Variants in ADSL observed in about 807,000 individuals in gnomAD.
ADSL encodes the protein adenylosuccinase.
ADSL carries 44 observed loss-of-function variants against 62.1 expected under a neutral mutation model. The ratio of observed to expected loss-of-function variants is 0.71; its 90% CI spans 0.56 to 0.91. The LOEUF (loss-of-function observed/expected upper bound fraction) is 0.91, where lower values mean the gene tolerates loss of function less well. Among genes scored for constraint, ADSL ranks in the 40% least tolerant of loss-of-function variants. The pLI is 0.00. For missense variants in ADSL, 531 were observed against 627.4 expected (o/e 0.85, Z 1.64); for synonymous variants, 198 against 220.5 (o/e 0.90, Z 0.90).
Position 40,350,036 on chromosome 22 carries a change from G to A in ADSL, c.357+1G>A, listed in dbSNP as rs1275901345. On this transcript the variant is annotated splice_donor_variant, in intron 2 of 12. Transcript: ENST00000623063. LOFTEE classifies it high-confidence loss of function. ...TTCTTGCTATGTTGGAGACAATACTGTAGGCGCCTGTGTTGTTTATACTTA... is the reference window on the plus strand; with the variant it reads ...TTCTTGCTATGTTGGAGACAATACTATAGGCGCCTGTGTTGTTTATACTTA... 3 of 1,613,098 alleles carry A rather than the reference G, an allele frequency of 1.9e-6. No homozygotes were observed. Among genetic ancestry groups the A allele is most frequent in the Admixed American group, 3.3e-5 (2 of 60,000 alleles).
chr22:40,377,565 G>A (rs532372830), intron 2 of ADSL, among the ~76,000 whole-genome samples: 5 of 152,292 alleles, frequency 3.3e-5, no homozygotes, highest in South Asian at 2.1e-4. Flanking sequence ...GCCTGGTGTC[G>A]TGGCTCACGC....
chr22:40,353,611 A>G (rs1027873989), intron 3 of ADSL, among the ~76,000 whole-genome samples: 32 of 149,688 alleles, frequency 2.1e-4, no homozygotes, highest in African/African-American at 7.4e-4. Context: ...AATGGTTTTT[A>G]AAGCATAGCC....
At chr22:40,362,922 A>C in intron 9 of ADSL, 59 bp from the exon 10 acceptor site, 1 of 1,461,786 alleles carries the variant, frequency 6.8e-7, no homozygotes, top group South Asian at 1.1e-5. Flanking sequence ...TGGGACACAC[A>C]CTGCATTTCA....
intron 1 of ADSL, chr22:40,348,639 C>A (rs568519299): frequency 3.0e-4 from 121 of 398,440 alleles, no homozygotes; most frequent in South Asian, 5.1e-4. Flanking sequence ...CCTTGGCCTC[C>A]CAAAGATGTG....
intron 2 of ADSL, among the ~76,000 whole-genome samples, chr22:40,377,312 A>C (rs1234185000): frequency 6.6e-6 from 1 of 152,250 alleles, no homozygotes; most frequent in Admixed American, 6.5e-5. Flanking sequence ...AGTTCAATAA[A>C]CAGTTGCAGC....
In ADSL at chr22:40,364,950, A is replaced by C; in HGVS notation, c.1262A>C (p.Asn421Thr). 1 of 1,614,134 alleles carries C rather than the reference A, an allele frequency of 6.2e-7. No individual in the cohort carries two copies. Among genetic ancestry groups the C allele is most frequent in the Non-Finnish European group, 8.5e-7 (1 of 1,179,996 alleles). The change falls in exon 12 of 13, where the codon AAT (asparagine) becomes ACT (threonine). Residue 421 changes from asparagine to threonine, a missense_variant. Around this residue, in one of 2 missense-constraint regions of ADSL, gnomAD observed 471 missense variants for 592.9 expected, o/e 0.79. Coordinates refer to ENST00000623063, the MANE Select transcript of ADSL (RefSeq NM_000026.4). ...GTGGTTAAGCAGGAAGGGGGTGACA[A>C]TGACCTCATAGAGCGTATCCAGGTT... ...ASVVKQEGGD[N>T]DLIERIQVDA...
intron 3 of ADSL, 85 bp downstream of exon 3, chr22:40,353,202 GTAAAT>G: frequency 9.1e-7 from 1 of 1,102,142 alleles, no homozygotes; most frequent in Non-Finnish European, 1.4e-6. Context: ...TCAACACAGT[GTAAAT>G]TTTTACATAG....
chr22:40,375,209 G>A (rs2046350584), intron 2 of ADSL, among the ~76,000 whole-genome samples: 1 of 152,138 alleles, frequency 6.6e-6, no homozygotes, highest in Non-Finnish European at 1.5e-5. Flanking sequence ...CTCTACTAAT[G>A]ATGTAAATTG....
intron 5 of ADSL, 73 bp downstream of exon 5, chr22:40,359,108 T>C: frequency 6.2e-7 from 1 of 1,603,034 alleles, no homozygotes; most frequent in South Asian, 1.1e-5. Flanking sequence ...CCTTTGAGGA[T>C]GATAGGAGAG....
In ADSL at chr22:40,361,194, T is replaced by G. The variant is rs1444811853; in HGVS notation, c.793-79T>G. ...CAGCACACCTAAGAGCTCATCTCCT[T>G]CATCAGCCTAGTCACAGCTCCCAGA... is the stretch of plus-strand genomic sequence containing the variant. On this transcript the variant is annotated intron_variant, in intron 7 of 12. Transcript: ENST00000623063. 2.2e-6 allele frequency: 3 copies of G among 1,368,034 alleles called. No homozygotes were observed. In the Admixed American group the frequency reaches 5.0e-5, roughly 23 times the overall value. 84.7% of individuals were successfully genotyped at this position (1,368,034 alleles called of 1,614,324 possible). A position where few individuals can be genotyped will look rare whatever the true frequency, so the allele number is the denominator to read the frequency against.
intron 3 of ADSL, 62 bp from the exon 4 acceptor site, chr22:40,354,186 C>T (rs2044461028): frequency 7.3e-7 from 1 of 1,373,052 alleles, no homozygotes; most frequent in Non-Finnish European, 1.0e-6. Context: ...AGTTTTGTTC[C>T]TAATTATGTA....
At chr22:40,380,258 C>T (rs904708296) in intron 2 of ADSL, among the ~76,000 whole-genome samples, 1 of 151,974 alleles carries the variant, frequency 6.6e-6, no homozygotes, top group Non-Finnish European at 1.5e-5. Context: ...AGTAATTACA[C>T]TTATCTGCAC....
rs558414798 is a variant in ADSL at position 40,363,994 on chromosome 22, G to A, written c.1102-282G>A. On this transcript the variant is annotated intron_variant, in intron 10 of 12. Coordinates refer to ENST00000623063, the MANE Select transcript of ADSL (RefSeq NM_000026.4). The stretch of plus-strand genomic sequence containing the variant: ...CGGGAGGCTGAGGCAGGAGAATGGC[G>A]TGAGCCCAGGAGACGGAGCTTGCAG... 2.3e-4 allele frequency among the ~76,000 whole-genome samples: 35 copies of A among 151,910 alleles called. No individual in the cohort carries two copies. The East Asian group carries it at 5.6e-3, about 24-fold the overall frequency.
intron 1 of ADSL, 117 bp from the exon 2 acceptor site, chr22:40,349,715 A>G (rs1437144440): frequency 1.3e-5 from 12 of 927,414 alleles, no homozygotes; most frequent in Admixed American, 8.1e-5. Context: ...ATTTTAATTT[A>G]AGGGTTGGGA....
At chr22:40,374,369 G>A (rs986140579) in intron 2 of ADSL, among the ~76,000 whole-genome samples, 3 of 152,350 alleles carry the variant, frequency 2.0e-5, no homozygotes, top group Admixed American at 6.5e-5. Context: ...TCAAGACTGC[G>A]TGCTTAGGTA....
At chr22:40,380,753 T>C (rs1052762318) in intron 2 of ADSL, among the ~76,000 whole-genome samples, 8 of 152,026 alleles carry the variant, frequency 5.3e-5, no homozygotes, top group Non-Finnish European at 1.5e-5. Context: ...CTGGGCAACA[T>C]AGTAAGACCC....
chr22:40,357,483 T>C (rs1249026241), intron 4 of ADSL, among the ~76,000 whole-genome samples: 5 of 151,674 alleles, frequency 3.3e-5, no homozygotes, highest in Non-Finnish European at 7.4e-5. Flanking sequence ...AAACTCCCGA[T>C]CTCAGGTGAT....
intron 11 of ADSL, 68 bp downstream of exon 11, chr22:40,364,433 A>T (rs1324021424): frequency 2.2e-6 from 3 of 1,348,254 alleles, no homozygotes; most frequent in Non-Finnish European, 3.2e-6. Flanking sequence ...TTCTCCGTGA[A>T]GGAGAGCAGA....
intron 4 of ADSL, among the ~76,000 whole-genome samples, chr22:40,356,263 G>T (rs117105495): frequency 1.3e-4 from 20 of 151,708 alleles, no homozygotes; most frequent in African/African-American, 4.8e-4. Context: ...GCAGCCGGGC[G>T]CAGTGGATCG....
Sources: gnomAD v4.1 joint callset for allele counts (sites outside exome capture counted in the v4.1 genomes callset) on GRCh38, gnomAD v4.1.1 for gene constraint, gnomAD v4.1.1 regional missense constraint, MANE v1.5 for transcripts, NCBI Gene and HGNC (gene_info 2026-07-23, HGNC 2026-07-21) for gene names.